The following EPHB1 variants were observed in gnomAD, a reference collection of about 807,000 sequenced individuals.
EPHB1 encodes the protein EPH receptor B1, also known as ephrin type-B receptor 1.
A neutral mutation model predicts 94.4 loss-of-function variants in EPHB1; 30 were observed. The observed-to-expected ratio is 0.32, with a 90% CI of 0.24 to 0.43. The LOEUF is 0.43. Among genes scored for constraint, EPHB1 ranks in the 20% least tolerant of loss-of-function variants. EPHB1 has a pLI of 1.00. For synonymous variants in EPHB1, 522 were observed against 489.1 expected (o/e 1.07, Z -0.89); for missense variants, 1,055 against 1,308.3 (o/e 0.81, Z 2.99).
intron 1 of EPHB1, among the ~76,000 whole-genome samples, chr3:134,871,093 A>G (rs2037489742): frequency 6.6e-6 from 1 of 152,186 alleles, no homozygotes; most frequent in East Asian, 1.9e-4. Context: ...TGTAGTAGAG[A>G]TTAGAAAAGC....
chr3:135,165,971 A>T lies in EPHB1; in HGVS notation c.1589A>T (p.Asp530Val). Residue 530 changes from aspartate (D) to valine (V), a missense_variant, in exon 8 of 16, where the codon GAT becomes GTT. Transcript: ENST00000398015. ...CTAATGCCTCTTTCTCACCTAGATGATTACAAGTCAGAGCTGAGGGAGCAG... is the reference window on the plus strand; with the variant it reads ...CTAATGCCTCTTTCTCACCTAGATGTTTACAAGTCAGAGCTGAGGGAGCAG... ...KMCFQTLTDD[D>V]YKSELREQLP... 1 of 1,613,766 alleles carries T rather than the reference A, an allele frequency of 6.2e-7. No homozygotes were observed. Among genetic ancestry groups the T allele is most frequent in the Non-Finnish European group, 8.5e-7 (1 of 1,179,704 alleles).
intron 4 of EPHB1, among the ~76,000 whole-genome samples, chr3:135,122,940 C>T (rs1940035150): frequency 6.6e-6 from 1 of 152,194 alleles, no homozygotes; most frequent in Non-Finnish European, 1.5e-5. Flanking sequence ...ATGAGCAACA[C>T]GTGCAGACTC....
intron 1 of EPHB1, among the ~76,000 whole-genome samples, chr3:134,897,632 C>T (rs1001810494): frequency 3.3e-5 from 5 of 152,214 alleles, no homozygotes; most frequent in Admixed American, 6.5e-5. Context: ...GGCCAGCCCC[C>T]GTCATTCCCT....
intron 3 of EPHB1, among the ~76,000 whole-genome samples, chr3:135,037,987 T>C (rs1242920821): frequency 1.3e-5 from 2 of 152,188 alleles, no homozygotes; most frequent in Admixed American, 1.3e-4. Flanking sequence ...ACCTACCAGA[T>C]CTCCCAACCT....
At chr3:134,965,783 C>G (rs181486411) in intron 3 of EPHB1, among the ~76,000 whole-genome samples, 3 of 152,188 alleles carry the variant, frequency 2.0e-5, no homozygotes, top group Admixed American at 1.3e-4. Flanking sequence ...CCTTCTGCAG[C>G]CCTGGAGGCT....
chr3:135,181,644 G>A (rs1942154898), intron 10 of EPHB1, among the ~76,000 whole-genome samples: 1 of 152,178 alleles, frequency 6.6e-6, no homozygotes, highest in African/African-American at 2.4e-5. Context: ...GTTCTGGACT[G>A]TATTTCATCC....
At chr3:134,921,792 T>C (rs2038691703) in intron 1 of EPHB1, among the ~76,000 whole-genome samples, 1 of 152,212 alleles carries the variant, frequency 6.6e-6, no homozygotes, top group African/African-American at 2.4e-5. Context: ...TCACTCAGCC[T>C]CACCTTCTCC....
rs141078653 is a variant in EPHB1, at chr3:135,050,597, A to G, written c.806-55851A>G. Among the ~76,000 whole-genome samples, 373 of 152,198 alleles carry G rather than the reference A, an allele frequency of 2.5e-3. 2 individuals carry two copies. Among genetic ancestry groups the G allele is most frequent in the African/African-American group, 8.5e-3 (352 of 41,544 alleles). On this transcript the variant is annotated intron_variant, in intron 3 of 15. Coordinates refer to ENST00000398015, the MANE Select transcript of EPHB1 (RefSeq NM_004441.5). ...TTGTCCCCTCCAAATCTCATGTTGA[A>G]ATGTGACTTCCAATGTTGGAGGTGG...
intron 10 of EPHB1, among the ~76,000 whole-genome samples, chr3:135,180,599 C>T (rs148492686): frequency 6.6e-6 from 1 of 152,298 alleles, no homozygotes; most frequent in African/African-American, 2.4e-5. Context: ...CATCTTCCTG[C>T]ACTGGAATAG....
At chr3:135,154,374 G>A (rs1941289601) in intron 6 of EPHB1, 98 bp downstream of exon 6, 13 of 1,534,950 alleles carry the variant, frequency 8.5e-6, no homozygotes, top group Non-Finnish European at 1.1e-5. Context: ...GGCTGCTGAG[G>A]TGGGGAGGAT....
At chr3:135,213,463 T>C (rs1157572518) in intron 12 of EPHB1, among the ~76,000 whole-genome samples, 1 of 152,236 alleles carries the variant, frequency 6.6e-6, no homozygotes, top group South Asian at 2.1e-4. Flanking sequence ...TGTTATAGAC[T>C]AGTTCTTGAT....
intron 3 of EPHB1, among the ~76,000 whole-genome samples, chr3:135,068,805 C>T (rs1357909484): frequency 1.3e-5 from 2 of 151,576 alleles, no homozygotes; most frequent in African/African-American, 4.8e-5. Flanking sequence ...CCTGCCACCA[C>T]ACCTGACTAA....
intron 12 of EPHB1, among the ~76,000 whole-genome samples, chr3:135,209,259 C>T (rs1942975369): frequency 6.6e-6 from 1 of 152,138 alleles, no homozygotes. Flanking sequence ...GATGCTTAAA[C>T]TTAAGGTGAA....
chr3:135,196,310 G>T (rs1942614325), intron 11 of EPHB1, among the ~76,000 whole-genome samples: 1 of 152,042 alleles, frequency 6.6e-6, no homozygotes, highest in Non-Finnish European at 1.5e-5. Flanking sequence ...TTCATTTGGG[G>T]CTCAGGTCAC....
Position 135,255,765 on chromosome 3 carries a change from G to T in EPHB1, c.2847-3247G>T, listed in dbSNP as rs371769519. On this transcript the variant is annotated intron_variant, in intron 15 of 15. Transcript: ENST00000398015. Reference sequence around the variant, plus strand: ...GGTGCAGAGCTGAGTTCAATTCCTGGGTATCCTTGTTGACTTTCTGTCTCA... The same window carrying T: ...GGTGCAGAGCTGAGTTCAATTCCTGTGTATCCTTGTTGACTTTCTGTCTCA... Among the ~76,000 whole-genome samples the T allele has an allele frequency of 2.0e-3, 296 of 147,800 alleles. 1 individual carries two copies. The East Asian group carries it at 0.02, about 10-fold the overall frequency.
intron 3 of EPHB1, among the ~76,000 whole-genome samples, chr3:135,035,269 C>T (rs1455788629): frequency 6.6e-6 from 1 of 152,150 alleles, no homozygotes; most frequent in Non-Finnish European, 1.5e-5. Flanking sequence ...CTGCCATCAC[C>T]CCTGCTTAGG....
chr3:134,849,891 C>T (rs1029874256), intron 1 of EPHB1, among the ~76,000 whole-genome samples: 21 of 152,160 alleles, frequency 1.4e-4, no homozygotes, highest in African/African-American at 4.8e-4. Context: ...GGATATGCCT[C>T]CTTTAACTCT....
At chr3:135,005,825 G>A (rs1268067301) in intron 3 of EPHB1, among the ~76,000 whole-genome samples, 5 of 152,206 alleles carry the variant, frequency 3.3e-5, no homozygotes, top group South Asian at 2.1e-4. Flanking sequence ...GCTCGCGCAC[G>A]GTGCACGCAC....
chr3:134,795,904 G>A lies in EPHB1; in HGVS notation c.58+215G>A, dbSNP rs1366982324. Among the ~76,000 whole-genome samples the A allele has an allele frequency of 2.6e-5, 4 of 152,206 alleles. No individual in the cohort carries two copies. In the East Asian group the frequency reaches 7.7e-4, roughly 29 times the overall value. ...GGCTGGCTCTTAGCGCCCGAAACTGGCTCGCGAGTCCCCCGGCTTCCTCGC... is the reference window on the plus strand; with the variant it reads ...GGCTGGCTCTTAGCGCCCGAAACTGACTCGCGAGTCCCCCGGCTTCCTCGC... On this transcript the variant is annotated intron_variant, in intron 1 of 15. Coordinates refer to ENST00000398015, the MANE Select transcript of EPHB1 (RefSeq NM_004441.5).
Sources: gnomAD v4.1 joint callset for allele counts (sites outside exome capture counted in the v4.1 genomes callset) on GRCh38, gnomAD v4.1.1 for gene constraint, MANE v1.5 for transcripts, NCBI Gene and HGNC (gene_info 2026-07-23, HGNC 2026-07-21) for gene names.